KLHL3: variants seen among roughly 807,000 people sequenced by gnomAD.
The protein encoded by KLHL3 is kelch-like protein 3.
KLHL3 carries 19 observed loss-of-function variants against 70.5 expected under a neutral mutation model. That is an observed-to-expected ratio of 0.27 (90% CI 0.19 to 0.40). The LOEUF (loss-of-function observed/expected upper bound fraction) is 0.40, where lower values mean the gene tolerates loss of function less well. KLHL3 is among the 10% of genes least tolerant of loss of function. The pLI is 1.00. For synonymous variants in KLHL3, 258 were observed against 290.3 expected (o/e 0.89, Z 1.13); for missense variants, 512 against 771.1 (o/e 0.66, Z 3.98).
At chr5:137,727,943 C>T (rs1376745176) in intron 1 of KLHL3, among the ~76,000 whole-genome samples, 4 of 152,064 alleles carry the variant, frequency 2.6e-5, no homozygotes, top group Non-Finnish European at 5.9e-5. Context: ...TTTAAGCTAC[C>T]AACATGATGC....
intron 5 of KLHL3, among the ~76,000 whole-genome samples, chr5:137,683,804 G>C (rs113867596): frequency 6.8e-6 from 1 of 147,138 alleles, no homozygotes; most frequent in African/African-American, 2.5e-5. Context: ...ACATGCACGC[G>C]CACACACACA....
At chr5:137,638,167 T>C (rs1750816704) in intron 10 of KLHL3, among the ~76,000 whole-genome samples, 1 of 152,172 alleles carries the variant, frequency 6.6e-6, no homozygotes, top group South Asian at 2.1e-4. Context: ...ACCCTTTCCT[T>C]CTCTTTGTTC....
intron 6 of KLHL3, among the ~76,000 whole-genome samples, chr5:137,674,263 A>G (rs931098930): frequency 2.6e-5 from 4 of 152,152 alleles, no homozygotes; most frequent in African/African-American, 9.7e-5. Context: ...AGTGTCTACC[A>G]TGAACCTGAT....
chr5:137,637,042 C>T (rs778365745), intron 11 of KLHL3, among the ~76,000 whole-genome samples: 2 of 152,230 alleles, frequency 1.3e-5, no homozygotes, highest in African/African-American at 2.4e-5. Context: ...AACCACAGGC[C>T]GGCATTTCCC....
chr5:137,622,000 C>G lies in KLHL3; in HGVS notation c.*98G>C. On this transcript the variant is annotated 3_prime_UTR_variant, in exon 15 of 15. Coordinates refer to ENST00000309755, the MANE Select transcript of KLHL3 (RefSeq NM_017415.3). ...GAGCGGTTCTCACAGCAGCACAGACCCTCCCAAGCAAGTTGAATCCAGTCA... is the reference window on the plus strand; with the variant it reads ...GAGCGGTTCTCACAGCAGCACAGACGCTCCCAAGCAAGTTGAATCCAGTCA... The G allele has an allele frequency of 1.5e-6, 2 of 1,301,084 alleles. No individual in the cohort carries two copies. The highest frequency in any genetic ancestry group is 2.2e-6 in the Non-Finnish European group (2 of 895,376). 80.6% of individuals were successfully genotyped at this position (1,301,084 alleles called of 1,614,324 possible). A position where few individuals can be genotyped will look rare whatever the true frequency, so the allele number is the denominator to read the frequency against.
chr5:137,653,936 C>T (rs1751274796), intron 8 of KLHL3, among the ~76,000 whole-genome samples: 1 of 152,176 alleles, frequency 6.6e-6, no homozygotes, highest in South Asian at 2.1e-4. Flanking sequence ...GCTCCTGATA[C>T]ATGCAACAAC....
At chr5:137,712,156 C>CAAAAAAAAAAA (rs201519598) in intron 2 of KLHL3, among the ~76,000 whole-genome samples, 3 of 74,872 alleles carry the variant, frequency 4.0e-5, no homozygotes, top group African/African-American at 1.6e-4. Context: ...AAGATTCTGT[C>CAAAAAAAAAAA]AAAAAAAAAA....
At chr5:137,630,107 T>A (rs964589201) in intron 12 of KLHL3, among the ~76,000 whole-genome samples, 3 of 152,172 alleles carry the variant, frequency 2.0e-5, no homozygotes, top group African/African-American at 7.2e-5. Flanking sequence ...TCGACATGCA[T>A]GTGGGTTCCC....
chr5:137,668,225 C>T (rs946184854), intron 6 of KLHL3, among the ~76,000 whole-genome samples: 3 of 152,152 alleles, frequency 2.0e-5, no homozygotes, highest in Admixed American at 6.5e-5. Context: ...TCCTGGCCAA[C>T]ACAGCGAAAC....
At chr5:137,651,368 C>T (rs1751197106) in intron 8 of KLHL3, among the ~76,000 whole-genome samples, 1 of 152,182 alleles carries the variant, frequency 6.6e-6, no homozygotes, top group Admixed American at 6.5e-5. Context: ...CCATCACCAA[C>T]CTGACCTCTC....
intron 8 of KLHL3, among the ~76,000 whole-genome samples, chr5:137,655,381 C>T (rs1315521699): frequency 6.6e-6 from 1 of 152,162 alleles, no homozygotes; most frequent in Non-Finnish European, 1.5e-5. Flanking sequence ...CCTGCCCTCA[C>T]TCCTTACACA....
rs370910862 is a variant in KLHL3, at chr5:137,688,172, T to A, written c.526+4113A>T. On this transcript the variant is annotated intron_variant, in intron 5 of 14. Transcript: ENST00000309755. ...CCCAAGAATGATCAATAAAAAAAAA[T>A]AAAATAAAATAAAATAAAATAAAAT... 1.8e-3 allele frequency among the ~76,000 whole-genome samples: 13 copies of A among 7,336 alleles called. 4 individuals are homozygous for A. Among genetic ancestry groups the A allele is most frequent in the Non-Finnish European group, 2.0e-3 (8 of 3,982 alleles). The allele number at this position is 7,336 out of a possible 152,430, so 4.8% of individuals were successfully genotyped here. A position where few individuals can be genotyped will look rare whatever the true frequency, so the allele number is the denominator to read the frequency against.
At chr5:137,675,692 C>T (rs1171062954) in intron 6 of KLHL3, among the ~76,000 whole-genome samples, 2 of 152,164 alleles carry the variant, frequency 1.3e-5, no homozygotes, top group East Asian at 3.8e-4. Context: ...TCCACCCCTA[C>T]TCCCCGCCAG....
chr5:137,670,543 C>T (rs564250342), intron 6 of KLHL3, among the ~76,000 whole-genome samples: 1 of 151,626 alleles, frequency 6.6e-6, no homozygotes, highest in South Asian at 2.1e-4. Context: ...CCTCAAATAT[C>T]CCTTAAAGGT....
chr5:137,718,780 G>A (rs1752942649), intron 2 of KLHL3, among the ~76,000 whole-genome samples: 1 of 152,252 alleles, frequency 6.6e-6, no homozygotes, highest in African/African-American at 2.4e-5. Flanking sequence ...CATCAGCACA[G>A]CCTGATGCCT....
chr5:137,703,514 A>T (rs1277839486), intron 3 of KLHL3, among the ~76,000 whole-genome samples: 8 of 152,222 alleles, frequency 5.3e-5, no homozygotes, highest in Non-Finnish European at 1.2e-4. Flanking sequence ...TTGACTGCAG[A>T]TCAGGGAATG....
rs189452293 is a variant in KLHL3 at position 137,637,180 on chromosome 5, G to A, written c.1321+114C>T. ...TCAGGATAATAGTACCTAACCCAGAGGAGTGATCTCAGGAAAAAAAACACG... is the reference window on the plus strand; with the variant it reads ...TCAGGATAATAGTACCTAACCCAGAAGAGTGATCTCAGGAAAAAAAACACG... On this transcript the variant is annotated intron_variant, in intron 11 of 14. Transcript: ENST00000309755. 2.5e-5 allele frequency: 19 copies of A among 768,588 alleles called. No individual in the cohort carries two copies. In the African/African-American group the frequency reaches 2.9e-4, roughly 12 times the overall value. 47.6% of individuals were successfully genotyped at this position (768,588 alleles called of 1,614,324 possible).
chr5:137,702,347 G>GTTA (rs1752588360), intron 3 of KLHL3, among the ~76,000 whole-genome samples: 1 of 152,216 alleles, frequency 6.6e-6, no homozygotes, highest in Non-Finnish European at 1.5e-5. Context: ...AGGAGTCATA[G>GTTA]TTATTCAGAA....
intron 1 of KLHL3, chr5:137,721,341 A>C (rs1369141579): frequency 6.6e-6 from 1 of 152,264 alleles, no homozygotes; most frequent in Non-Finnish European, 1.5e-5. Flanking sequence ...TAGAAGACCA[A>C]GCAGCCTTTT....
Sources: allele counts gnomAD v4.1 joint callset (sites outside exome capture counted in the v4.1 genomes callset), GRCh38; gene constraint gnomAD v4.1.1; transcripts MANE v1.5; gene names NCBI Gene and HGNC (gene_info 2026-07-23, HGNC 2026-07-21).